Variants in PRKX observed in about 807,000 individuals in gnomAD.
PRKX encodes cAMP-dependent protein kinase catalytic subunit PRKX.
A neutral mutation model predicts 22.0 loss-of-function variants in PRKX; 12 were observed. The ratio of observed to expected loss-of-function variants is 0.54; its 90% confidence interval spans 0.35 to 0.88. The LOEUF is 0.88. PRKX is among the 40% of genes least tolerant of loss of function. The pLI, the probability that PRKX is intolerant of heterozygous loss-of-function variation, is 0.01. For synonymous variants in PRKX, 134 were observed against 137.7 expected (o/e 0.97, Z 0.19); for missense variants, 217 against 308.0 (o/e 0.70, Z 2.21).
intron 2 of PRKX, among the ~76,000 whole-genome samples, chrX:3,673,059 T>A (rs1291458824): frequency 4.9e-4 from 54 of 111,131 alleles, no homozygotes; most frequent in African/African-American, 1.6e-3. Context: ...ATCCTCTGCA[T>A]ATGATTTTGT....
chrX:3,676,508 T>C (rs1481840448), intron 1 of PRKX, among the ~76,000 whole-genome samples: 1 of 111,410 alleles, frequency 9.0e-6, no homozygotes, highest in Non-Finnish European at 1.9e-5. Context: ...CAAGGGCAAA[T>C]GGATAAAGAA....
intron 1 of PRKX, among the ~76,000 whole-genome samples, chrX:3,681,776 G>A (rs1928078215): frequency 9.1e-6 from 1 of 110,089 alleles, no homozygotes; most frequent in Non-Finnish European, 1.9e-5. Flanking sequence ...ACTGTGAAAA[G>A]AGATGGCCTT....
chrX:3,654,947 A>G (rs72622510), intron 3 of PRKX, among the ~76,000 whole-genome samples: 14,256 of 110,761 alleles, frequency 0.13, 954 homozygotes, highest in Admixed American at 0.35. Flanking sequence ...CTTCCTGCCC[A>G]CTGGCTCTTT....
chrX:3,610,295 A>G (rs1926266589), intron 8 of PRKX, among the ~76,000 whole-genome samples: 1 of 111,229 alleles, frequency 9.0e-6, no homozygotes, highest in African/African-American at 3.3e-5. Context: ...AGCCTGGCCA[A>G]CATGGCAAAA....
At chrX:3,681,943 G>A (rs1928081325) in intron 1 of PRKX, among the ~76,000 whole-genome samples, 1 of 110,628 alleles carries the variant, frequency 9.0e-6, no homozygotes, top group South Asian at 3.9e-4. Flanking sequence ...TCCAGAAAGA[G>A]GAGAAACACG....
intron 2 of PRKX, chrX:3,668,019 C>T (rs1011544230): frequency 9.0e-6 from 1 of 111,180 alleles, no homozygotes; most frequent in Admixed American, 9.7e-5. Context: ...CTCTTCTCAC[C>T]CTACGCAGTT....
chrX:3,712,174 G>GAGAGCC (rs762947501), intron 1 of PRKX, among the ~76,000 whole-genome samples: 1 of 111,434 alleles, frequency 9.0e-6, no homozygotes, highest in East Asian at 2.9e-4. Context: ...TAGAGGGCCT[G>GAGAGCC]AGAGCCGACG....
intron 2 of PRKX, among the ~76,000 whole-genome samples, chrX:3,660,479 A>G (rs1927572085): frequency 1.8e-5 from 2 of 111,948 alleles, no homozygotes; most frequent in African/African-American, 3.2e-5. Context: ...GCATGCTTAC[A>G]CACACACATA....
chrX:3,622,412 T>C (rs2146560923), intron 5 of PRKX, among the ~76,000 whole-genome samples: 1 of 110,705 alleles, frequency 9.0e-6, no homozygotes, highest in East Asian at 2.8e-4. Flanking sequence ...ATGACCCCGG[T>C]GTAAGCGTCT....
chrX:3,672,687 C>G (rs1317314084), intron 2 of PRKX, among the ~76,000 whole-genome samples: 2 of 110,696 alleles, frequency 1.8e-5, no homozygotes, highest in East Asian at 5.7e-4. Context: ...GTACCACAAA[C>G]TGGGGGTTGG....
At chrX:3,657,818 G>T (rs951276404) in intron 2 of PRKX, among the ~76,000 whole-genome samples, 4 of 111,833 alleles carry the variant, frequency 3.6e-5, no homozygotes, top group African/African-American at 1.3e-4. Flanking sequence ...GGAAGGTGGG[G>T]GTAGGGATGA....
At chrX:3,695,240 T>G (rs182370795) in intron 1 of PRKX, among the ~76,000 whole-genome samples, 182 of 111,636 alleles carry the variant, frequency 1.6e-3, no homozygotes, top group African/African-American at 5.5e-3. Flanking sequence ...ATGTTTTTCT[T>G]TTAACTTTCA....
chrX:3,628,874 T>A (rs1211188579), intron 4 of PRKX, among the ~76,000 whole-genome samples: 2 of 111,167 alleles, frequency 1.8e-5, no homozygotes, highest in African/African-American at 3.3e-5. Context: ...AACCCGTCTC[T>A]ACTAAAAATA....
In PRKX at chrX:3,621,440, T is replaced by C. The variant is rs933884684; in HGVS notation, c.816-124A>G. The C allele has an allele frequency of 7.4e-5, 44 of 595,383 alleles. 1 individual carries two copies. Among genetic ancestry groups the C allele is most frequent in the Admixed American group, 2.8e-4 (9 of 32,711 alleles). The allele number at this position is 595,383 out of a possible 1,213,427, so 49.1% of individuals were successfully genotyped here. A position where few individuals can be genotyped will look rare whatever the true frequency, so the allele number is the denominator to read the frequency against. On this transcript the variant is annotated intron_variant, in intron 5 of 8. Transcript: ENST00000262848. Reference sequence around the variant, plus strand: ...GAGGACCGCAGTTCAATTTCCACTTTGGCAAAACACTTTCTAGTGCTTATT... The same window carrying C: ...GAGGACCGCAGTTCAATTTCCACTTCGGCAAAACACTTTCTAGTGCTTATT...
In PRKX at chrX:3,632,988, C is replaced by T. The variant is rs569056531; in HGVS notation, c.720-6474G>A. Among the ~76,000 whole-genome samples the T allele has an allele frequency of 2.1e-4, 23 of 111,986 alleles. No individual in the cohort carries two copies. In the South Asian group the frequency reaches 6.3e-3, roughly 31 times the overall value. ...ATCCCAGCATTTGGGGAGGCCAACG[C>T]GGGAGGACTGCTTGAGCCCAGGAGT... On this transcript the variant is annotated intron_variant, in intron 4 of 8. Transcript: ENST00000262848.
chrX:3,636,091 T>C (rs1242549889), intron 4 of PRKX, among the ~76,000 whole-genome samples: 1 of 112,716 alleles, frequency 8.9e-6, no homozygotes, highest in East Asian at 2.8e-4. Context: ...CATCATGATA[T>C]GATCTCCTTC....
At chrX:3,666,866 C>G (rs1476483963) in intron 2 of PRKX, among the ~76,000 whole-genome samples, 8 of 91,374 alleles carry the variant, frequency 8.8e-5, no homozygotes, top group Non-Finnish European at 1.4e-4. Context: ...CATGATTGCA[C>G]CAGTACACTG....
intron 1 of PRKX, among the ~76,000 whole-genome samples, chrX:3,691,287 T>C (rs1025256720): frequency 1.9e-4 from 21 of 111,386 alleles, no homozygotes; most frequent in African/African-American, 6.5e-4. Flanking sequence ...CTTGTCAACC[T>C]TGTGACTTTA....
At chrX:3,620,061 C>T (rs1345919847) in intron 6 of PRKX, among the ~76,000 whole-genome samples, 1 of 111,755 alleles carries the variant, frequency 8.9e-6, no homozygotes, top group Non-Finnish European at 1.9e-5. Context: ...TGCCTCCACA[C>T]AAAAAGTTTG....
Sources: gnomAD v4.1 joint callset for allele counts (sites outside exome capture counted in the v4.1 genomes callset) on GRCh38, gnomAD v4.1.1 for gene constraint, MANE v1.5 for transcripts, NCBI Gene and HGNC (gene_info 2026-07-23, HGNC 2026-07-21) for gene names.